The following SRPK2 variants were observed in gnomAD, a reference collection of about 807,000 sequenced individuals.
SRPK2 encodes the protein SRSF protein kinase 2, also known as SFRS protein kinase 2.
In SRPK2, 21 loss-of-function variants were observed where a neutral mutation model predicts 90.8. The ratio of observed to expected loss-of-function variants is 0.23; its 90% CI spans 0.16 to 0.33. The LOEUF (loss-of-function observed/expected upper bound fraction) is 0.33, where lower values mean the gene tolerates loss of function less well. Ranked by LOEUF, SRPK2 falls within the 10% of genes least tolerant of loss-of-function variation. The probability of loss-of-function intolerance (pLI) is 1.00; values close to 1 mark genes in which losing one functional copy is unlikely to be tolerated. For missense variants in SRPK2, 620 were observed against 869.0 expected (o/e 0.71, Z 3.60); for synonymous variants, 288 against 311.1 (o/e 0.93, Z 0.78).
chr7:105,389,461 G>A, upstream of SRPK2: 2 of 1,157,524 alleles, frequency 1.7e-6, no homozygotes, highest in Non-Finnish European at 1.1e-6. Flanking sequence ...TGTGACCTTG[G>A]AGAAGTCATT....
rs552432335 is a variant in SRPK2 at position 105,254,618 on chromosome 7, T to C, written c.72-50833A>G. Among the ~76,000 whole-genome samples, 3 of 152,328 alleles carry C rather than the reference T, an allele frequency of 2.0e-5. No individual in the cohort carries two copies. The South Asian group carries it at 6.2e-4, about 32-fold the overall frequency. On this transcript the variant is annotated intron_variant, in intron 2 of 15. Transcript: ENST00000393651. ...TGAAAATCATTTCTCAGTATGATACTGGATTGTACGGTTGGTGATGATGTT... is the reference window on the plus strand; with the variant it reads ...TGAAAATCATTTCTCAGTATGATACCGGATTGTACGGTTGGTGATGATGTT...
chr7:105,202,233 T>C (rs1476645456), intron 3 of SRPK2, among the ~76,000 whole-genome samples: 3 of 152,228 alleles, frequency 2.0e-5, no homozygotes, highest in Non-Finnish European at 4.4e-5. Flanking sequence ...AGCAGGTAAT[T>C]AAATGTACAC....
intron 15 of SRPK2, chr7:105,125,930 A>G: frequency 4.2e-6 from 4 of 952,246 alleles, no homozygotes; most frequent in Non-Finnish European, 4.5e-6. Flanking sequence ...TAATCAGTAC[A>G]CTGCATGCAG....
rs141696554 is a variant in SRPK2 at position 105,168,719 on chromosome 7, TAC to T, written c.338+436_338+437del. On this transcript the variant is annotated intron_variant, in intron 4 of 15. Coordinates refer to ENST00000393651, the MANE Select transcript of SRPK2 (RefSeq NM_182692.3). The stretch of plus-strand genomic sequence containing the variant: ...TTCTCTTTTAACACTTTTGTTTCAG[TAC>T]ACACACACACACACACGCACCAAAT... Among the ~76,000 whole-genome samples the T allele has an allele frequency of 8.1e-3, 967 of 120,100 alleles. 6 individuals are homozygous for T. The highest frequency in any genetic ancestry group is 0.011 in the South Asian group (39 of 3,522). 78.8% of individuals were successfully genotyped at this position (120,100 alleles called of 152,430 possible). A position where few individuals can be genotyped will look rare whatever the true frequency, so the allele number is the denominator to read the frequency against.
At chr7:105,286,094 G>C (rs995692501) in intron 2 of SRPK2, among the ~76,000 whole-genome samples, 4 of 152,150 alleles carry the variant, frequency 2.6e-5, no homozygotes, top group African/African-American at 9.7e-5. Context: ...ATTTGTCAAA[G>C]ATCACAGAGC....
intron 4 of SRPK2, 55 bp downstream of exon 4, chr7:105,169,100 AAC>A (rs1165293141): frequency 6.8e-7 from 1 of 1,470,450 alleles, no homozygotes; most frequent in Non-Finnish European, 9.5e-7. Context: ...ACCTTCTTAG[AAC>A]ACAGATGTTG....
intron 2 of SRPK2, among the ~76,000 whole-genome samples, chr7:105,307,115 C>T (rs1269032947): frequency 1.3e-5 from 2 of 152,124 alleles, no homozygotes; most frequent in Non-Finnish European, 2.9e-5. Context: ...AACTAATGAA[C>T]TACCTTGAAG....
chr7:105,244,445 G>A (rs766545729), intron 2 of SRPK2, among the ~76,000 whole-genome samples: 2 of 152,108 alleles, frequency 1.3e-5, no homozygotes, highest in Non-Finnish European at 2.9e-5. Context: ...TACCAGGCGC[G>A]CGCCTGTAAT....
intron 3 of SRPK2, among the ~76,000 whole-genome samples, chr7:105,197,087 G>A (rs891362174): frequency 6.6e-6 from 1 of 151,920 alleles, no homozygotes; most frequent in Admixed American, 6.6e-5. Context: ...CATAGACTCG[G>A]AGGGTTGGGG....
chr7:105,355,307 G>T (rs547528843), intron 2 of SRPK2, among the ~76,000 whole-genome samples: 9 of 151,518 alleles, frequency 5.9e-5, no homozygotes. Context: ...ACTAGCCTGC[G>T]CAACACGGCA....
intron 15 of SRPK2, among the ~76,000 whole-genome samples, chr7:105,124,285 C>T (rs776887035): frequency 2.0e-5 from 3 of 152,188 alleles, no homozygotes; most frequent in Non-Finnish European, 4.4e-5. Context: ...CTCTTTCCTT[C>T]CTTCCCGCTG....
At chr7:105,129,075 C>T (rs1801610779) in intron 13 of SRPK2, among the ~76,000 whole-genome samples, 1 of 151,868 alleles carries the variant, frequency 6.6e-6, no homozygotes, top group Non-Finnish European at 1.5e-5. Context: ...ATTCTCCTTG[C>T]CTCAGCCTCC....
intron 2 of SRPK2, among the ~76,000 whole-genome samples, chr7:105,325,212 A>G (rs1813422306): frequency 6.6e-6 from 1 of 152,170 alleles, no homozygotes; most frequent in Non-Finnish European, 1.5e-5. Context: ...ACTAAAGAGC[A>G]CCTTTGAAAC....
intron 2 of SRPK2, among the ~76,000 whole-genome samples, chr7:105,331,337 A>AAAAAAAAAAAAAC (rs1554512429): frequency 7.0e-5 from 10 of 141,932 alleles, no homozygotes; most frequent in Non-Finnish European, 1.2e-4. Flanking sequence ...AAAAAAAAAA[A>AAAAAAAAAAAAAC]CAAATAGTTA....
At chr7:105,339,962 G>A (rs1815549222) in intron 2 of SRPK2, among the ~76,000 whole-genome samples, 1 of 151,910 alleles carries the variant, frequency 6.6e-6, no homozygotes, top group Non-Finnish European at 1.5e-5. Context: ...GGGGGCTGAG[G>A]TGGGAGGATC....
At chr7:105,130,925 G>A (rs1801912115) in intron 13 of SRPK2, among the ~76,000 whole-genome samples, 1 of 152,162 alleles carries the variant, frequency 6.6e-6, no homozygotes, top group Admixed American at 6.5e-5. Context: ...AAGACAGAAA[G>A]GCTTTTCCTT....
chr7:105,378,615 T>C (rs1044574037), intron 2 of SRPK2, among the ~76,000 whole-genome samples: 9 of 151,968 alleles, frequency 5.9e-5, no homozygotes, highest in African/African-American at 2.2e-4. Flanking sequence ...ATACAAAAAT[T>C]AGCTGGGCAC....
In SRPK2 at chr7:105,171,010, AAAGAG is replaced by A. The variant is rs1791049421; in HGVS notation, c.230-1750_230-1746del. ...AAGAAAGAAAGAGAAAGAAAGAAAG[AAAGAG>A]AGGAAGGAAGGAAGGAAGGAAGGAA... On this transcript the variant is annotated intron_variant, in intron 3 of 15. Transcript: ENST00000393651. Among the ~76,000 whole-genome samples, 4 of 126,156 alleles carry A rather than the reference AAAGAG, an allele frequency of 3.2e-5. No individual in the cohort carries two copies. In the Admixed American group the frequency reaches 3.2e-4, roughly 10 times the overall value. 82.8% of individuals were successfully genotyped at this position (126,156 alleles called of 152,430 possible). A position where few individuals can be genotyped will look rare whatever the true frequency, so the allele number is the denominator to read the frequency against.
At chr7:105,233,824 C>T (rs571685623) in intron 2 of SRPK2, among the ~76,000 whole-genome samples, 2 of 152,040 alleles carry the variant, frequency 1.3e-5, no homozygotes, top group African/African-American at 4.8e-5. Flanking sequence ...ACTCCAGCAG[C>T]CTCGGCGACA....
Sources: allele counts gnomAD v4.1 joint callset (sites outside exome capture counted in the v4.1 genomes callset), GRCh38; gene constraint gnomAD v4.1.1; transcripts MANE v1.5; gene names NCBI Gene and HGNC (gene_info 2026-07-23, HGNC 2026-07-21).